The following LGR6 variants were observed in gnomAD, a reference collection of about 807,000 sequenced individuals.
The protein encoded by LGR6 is leucine-rich repeat-containing G protein-coupled receptor 6.
Under a neutral mutation model 69.4 loss-of-function variants are expected in LGR6, and 45 were observed. That is an observed-to-expected ratio of 0.65 (90% CI 0.51 to 0.83). LGR6 has a LOEUF of 0.83. Among genes scored for constraint, LGR6 ranks in the 40% least tolerant of loss-of-function variants. The pLI, the probability that LGR6 is intolerant of heterozygous loss-of-function variation, is 0.00. For missense variants in LGR6, 1,108 were observed against 1,246.7 expected (o/e 0.89, Z 1.68); for synonymous variants, 538 against 555.0 (o/e 0.97, Z 0.43).
At chr1:202,200,088 C>T (rs1041997714) in intron 1 of LGR6, among the ~76,000 whole-genome samples, 2 of 152,150 alleles carry the variant, frequency 1.3e-5, no homozygotes, top group African/African-American at 4.8e-5. Context: ...TAACAAAGCC[C>T]GTCCCACTGA....
At chr1:202,219,173 C>T (rs1426776123) in intron 1 of LGR6, among the ~76,000 whole-genome samples, 3 of 152,362 alleles carry the variant, frequency 2.0e-5, no homozygotes, top group East Asian at 1.9e-4. Flanking sequence ...AAATGGTCTC[C>T]GTGGCGGCCA....
At chr1:202,254,414 T>C (rs1462882633) in intron 4 of LGR6, among the ~76,000 whole-genome samples, 5 of 152,230 alleles carry the variant, frequency 3.3e-5, no homozygotes, top group African/African-American at 9.7e-5. Context: ...CAGGCTTTGC[T>C]GCAAAACTAG....
At position 202,208,711 on chromosome 1, in the gene LGR6, TC is replaced by T. The variant is rs368674769; in HGVS notation, c.212+14515del. Among the ~76,000 whole-genome samples the T allele has an allele frequency of 3.4e-4, 51 of 151,998 alleles. 1 individual carries two copies. In the East Asian group the frequency reaches 6.8e-3, roughly 20 times the overall value. On this transcript the variant is annotated intron_variant, in intron 1 of 17. Transcript: ENST00000367278. ...GAATGCAGAAGCCCAGGGTGCCACC[TC>T]CCCCTCTGCCTGCCCTGCCTCCACC... is the stretch of plus-strand genomic sequence containing the variant.
chr1:202,306,854 T>G lies in LGR6; in HGVS notation c.1137-14T>G, dbSNP rs1202642806. On this transcript the variant is annotated splice_polypyrimidine_tract_variant and intron_variant, in intron 12 of 17. Transcript: ENST00000367278. ...TGAGCCTGCCGGCTCATCCAGCCTC[T>G]CTTGCTGCCCTAGCGGCCTCCAACA... The G allele has an allele frequency of 6.2e-7, 1 of 1,613,850 alleles. No homozygotes were observed. The highest frequency in any genetic ancestry group is 8.5e-7 in the Non-Finnish European group (1 of 1,179,858).
intron 1 of LGR6, among the ~76,000 whole-genome samples, chr1:202,200,406 T>C (rs1477188670): frequency 6.6e-6 from 1 of 152,178 alleles, no homozygotes; most frequent in Non-Finnish European, 1.5e-5. Context: ...GGGGCAGACA[T>C]GCCCTGAGGG....
intron 14 of LGR6, 143 bp from the exon 15 acceptor site, chr1:202,308,908 A>G (rs1428367217): frequency 7.1e-6 from 7 of 979,484 alleles, no homozygotes; most frequent in African/African-American, 3.3e-5. Context: ...TCGGCATTCA[A>G]TGCTCTCTTC....
At chr1:202,286,647 A>G (rs547720169) in intron 6 of LGR6, among the ~76,000 whole-genome samples, 2 of 152,238 alleles carry the variant, frequency 1.3e-5, no homozygotes, top group East Asian at 1.9e-4. Flanking sequence ...TTTCCTTGCC[A>G]GTTCTTAATC....
chr1:202,306,689 C>T, intron 12 of LGR6, 179 bp from the exon 13 acceptor site: 1 of 670,082 alleles, frequency 1.5e-6, no homozygotes, highest in Non-Finnish European at 2.6e-6. Flanking sequence ...CCCACTTACC[C>T]AAGGCAACCG....
intron 1 of LGR6, among the ~76,000 whole-genome samples, chr1:202,211,604 G>A (rs1224202787): frequency 1.3e-5 from 2 of 152,172 alleles, no homozygotes; most frequent in Non-Finnish European, 2.9e-5. Flanking sequence ...CCAGTGATCC[G>A]CCTGCCTTGG....
intron 4 of LGR6, chr1:202,236,332 G>C (rs866111848): frequency 1.2e-5 from 4 of 320,440 alleles, no homozygotes; most frequent in Non-Finnish European, 2.3e-5. Context: ...GGTGGAGACT[G>C]CCGCCCAAAA....
chr1:202,269,830 AC>A (rs753869822), intron 4 of LGR6, among the ~76,000 whole-genome samples: 1 of 152,206 alleles, frequency 6.6e-6, no homozygotes, highest in Non-Finnish European at 1.5e-5. Flanking sequence ...CTTAGGGCAC[AC>A]TGACCTTTGA....
chr1:202,265,610 C>T (rs773504577), intron 4 of LGR6, among the ~76,000 whole-genome samples: 3 of 152,176 alleles, frequency 2.0e-5, no homozygotes, highest in Non-Finnish European at 4.4e-5. Flanking sequence ...CAAAGAACAC[C>T]GGACTCAAAA....
chr1:202,236,135 G>A (rs1661527846), intron 4 of LGR6, 142 bp downstream of exon 4: 9 of 666,610 alleles, frequency 1.4e-5, no homozygotes, highest in Non-Finnish European at 2.4e-5. Context: ...GCCGCTCCTG[G>A]CTTTGGTTTC....
chr1:202,214,250 G>C, intron 1 of LGR6: 6 of 1,533,002 alleles, frequency 3.9e-6, no homozygotes, highest in Non-Finnish European at 5.2e-6. Flanking sequence ...AGGCTTGGGG[G>C]AAGGGTGCCG....
rs1256347480 is a variant in LGR6 at position 202,194,048 on chromosome 1, G to T, written c.59G>T (p.Arg20Leu). 1.4e-5 allele frequency: 19 copies of T among 1,388,186 alleles called. No individual in the cohort carries two copies. The highest frequency in any genetic ancestry group is 1.7e-5 in the Non-Finnish European group (18 of 1,078,578). 86.0% of individuals were successfully genotyped at this position (1,388,186 alleles called of 1,614,324 possible). A position where few individuals can be genotyped will look rare whatever the true frequency, so the allele number is the denominator to read the frequency against. The change falls in exon 1 of 18, where the codon CGG (arginine) becomes CTG (leucine). Residue 20 changes from arginine to leucine, a missense_variant. Arg to Leu is a moderately radical substitution (Grantham distance 102). Coordinates refer to ENST00000367278, the MANE Select transcript of LGR6 (RefSeq NM_001017403.2). ...LWLCAALCAS[R>L]RAGGAPQPGP... ...CTTTGCGCCGCGCTGTGCGCTTCCC[G>T]GAGGGCCGGCGGCGCCCCCCAGCCC... is the stretch of plus-strand genomic sequence containing the variant.
chr1:202,223,883 G>A (rs1023208162), intron 1 of LGR6, among the ~76,000 whole-genome samples: 1 of 145,732 alleles, frequency 6.9e-6, no homozygotes, highest in Non-Finnish European at 1.5e-5. Flanking sequence ...CGGCCTGTGG[G>A]GCTGGGACAC....
intron 4 of LGR6, 154 bp downstream of exon 4, chr1:202,236,147 C>A: frequency 1.6e-6 from 1 of 642,412 alleles, no homozygotes; most frequent in Non-Finnish European, 2.8e-6. Flanking sequence ...TTTGGTTTCT[C>A]CGGGGTTTTC....
chr1:202,289,757 A>C (rs1010779881), intron 6 of LGR6, among the ~76,000 whole-genome samples: 2 of 152,228 alleles, frequency 1.3e-5, no homozygotes, highest in Non-Finnish European at 2.9e-5. Flanking sequence ...CTCTGTCTGC[A>C]GTATGAGAAA....
rs77340941 is a variant in LGR6, at chr1:202,318,465, C to T, written c.2162C>T (p.Ala721Val). The part of the protein sequence containing the change: ...YGASPLCLPY[A>V]PPEGQPAALG... ...GCCTCCCCACTCTGCCTGCCCTACG[C>T]GCCACCTGAGGGTCAGCCAGCAGCC... Residue 721 changes from alanine (A) to valine (V), a missense_variant, in exon 18 of 18, where the codon GCG (alanine) becomes GTG (valine). By Grantham distance (64) the Ala-to-Val change is moderately conservative. Transcript: ENST00000367278. 336 of 1,613,438 alleles carry T rather than the reference C, an allele frequency of 2.1e-4. 4 individuals carry two copies. In the South Asian group the frequency reaches 2.8e-3, roughly 13 times the overall value.
Sources: gnomAD v4.1 joint callset for allele counts (sites outside exome capture counted in the v4.1 genomes callset) on GRCh38, gnomAD v4.1.1 for gene constraint, MANE v1.5 for transcripts, NCBI Gene and HGNC (gene_info 2026-07-23, HGNC 2026-07-21) for gene names.